Variants in GRM5 observed in about 807,000 individuals in gnomAD.
The protein encoded by GRM5 is glutamate metabotropic receptor 5, also known as metabotropic glutamate receptor 5.
Under a neutral mutation model 83.1 loss-of-function variants are expected in GRM5, and 19 were observed. The ratio of observed to expected loss-of-function variants is 0.23; its 90% CI spans 0.16 to 0.34. The LOEUF (loss-of-function observed/expected upper bound fraction) is 0.34, where lower values mean the gene tolerates loss of function less well. GRM5 is among the 10% of genes least tolerant of loss of function. The probability of loss-of-function intolerance (pLI) is 1.00; values close to 1 mark genes in which losing one functional copy is unlikely to be tolerated. For synonymous variants in GRM5, 675 were observed against 633.6 expected (o/e 1.07, Z -0.98); for missense variants, 1,160 against 1,588.3 (o/e 0.73, Z 4.58).
intron 3 of GRM5, among the ~76,000 whole-genome samples, chr11:88,758,199 C>T (rs1174031387): frequency 2.0e-5 from 3 of 152,172 alleles, no homozygotes; most frequent in Admixed American, 1.3e-4. Flanking sequence ...CAAATCACTG[C>T]ACTACCTCTC....
chr11:88,564,023 A>C (rs192201527), intron 8 of GRM5, among the ~76,000 whole-genome samples: 10 of 152,324 alleles, frequency 6.6e-5, no homozygotes, highest in African/African-American at 2.4e-4. Flanking sequence ...AGGAGAGCAG[A>C]TATCAGATGC....
At chr11:88,747,835 A>G (rs561674976) in intron 3 of GRM5, among the ~76,000 whole-genome samples, 46 of 152,292 alleles carry the variant, frequency 3.0e-4, no homozygotes, top group African/African-American at 9.9e-4. Context: ...TTTTATTAAA[A>G]TCAATTATTC....
chr11:88,551,039 A>G (rs1042961842), intron 8 of GRM5, among the ~76,000 whole-genome samples: 1 of 151,570 alleles, frequency 6.6e-6, no homozygotes, highest in Non-Finnish European at 1.5e-5. Context: ...TTCAGTGAAT[A>G]TCTATGTGGT....
intron 2 of GRM5, among the ~76,000 whole-genome samples, chr11:88,861,956 C>A (rs1190219057): frequency 6.6e-6 from 1 of 152,098 alleles, no homozygotes; most frequent in Admixed American, 6.6e-5. Flanking sequence ...GCCTAGGCAA[C>A]CTAAGTATTT....
chr11:88,656,378 G>A (rs72639187), intron 3 of GRM5, among the ~76,000 whole-genome samples: 3,155 of 152,128 alleles, frequency 0.021, 88 homozygotes, highest in East Asian at 0.12. Flanking sequence ...TACAGATTCT[G>A]CATTTACAAA....
In GRM5 at chr11:89,056,122, T is replaced by C. The variant is rs1213989898; in HGVS notation, c.-200-8050A>G. ...AGATTTGTCTTAATATCATAAACAA[T>C]GTTGCATTTTGCTTGCTTTTGAAAG... On this transcript the variant is annotated intron_variant, in intron 1 of 9. Transcript: ENST00000305447. 4.6e-5 allele frequency among the ~76,000 whole-genome samples: 7 copies of C among 152,356 alleles called. No individual in the cohort carries two copies. In the East Asian group the frequency reaches 1.3e-3, roughly 29 times the overall value.
At chr11:88,869,767 TGGTTCCAACCTCA>T (rs1309035557) in intron 2 of GRM5, among the ~76,000 whole-genome samples, 1 of 151,528 alleles carries the variant, frequency 6.6e-6, no homozygotes, top group East Asian at 1.9e-4. Flanking sequence ...TCATTAGTCA[TGGTTCCAACCTCA>T]TGAAGAAATG....
intron 2 of GRM5, among the ~76,000 whole-genome samples, chr11:88,898,664 T>C (rs1945271565): frequency 6.6e-6 from 1 of 151,812 alleles, no homozygotes; most frequent in African/African-American, 2.4e-5. Context: ...AACACACAGA[T>C]TTGTGTATGT....
intron 7 of GRM5, among the ~76,000 whole-genome samples, chr11:88,574,601 T>A (rs192478090): frequency 4.6e-5 from 7 of 152,232 alleles, no homozygotes; most frequent in African/African-American, 1.2e-4. Flanking sequence ...ACTCCATCTC[T>A]ACTAAAAATA....
In GRM5 at chr11:88,679,260, T is replaced by C. The variant is rs1301820058; in HGVS notation, c.912-25857A>G. Among the ~76,000 whole-genome samples the C allele has an allele frequency of 2.0e-5, 3 of 152,044 alleles. No individual in the cohort carries two copies. In the East Asian group the frequency reaches 5.8e-4, roughly 29 times the overall value. On this transcript the variant is annotated intron_variant, in intron 3 of 9. Coordinates refer to ENST00000305447, the MANE Select transcript of GRM5 (RefSeq NM_001143831.3). ...AGGACATTTAAGAAATACTGAGGAATGGAGCTATGGAATTTTCAGAAGATT... is the reference window on the plus strand; with the variant it reads ...AGGACATTTAAGAAATACTGAGGAACGGAGCTATGGAATTTTCAGAAGATT...
chr11:88,535,363 C>A (rs1382491956), intron 8 of GRM5, among the ~76,000 whole-genome samples: 20 of 152,138 alleles, frequency 1.3e-4, no homozygotes, highest in African/African-American at 4.8e-4. Context: ...CACTGGAAAA[C>A]ATAGTCTCTT....
At chr11:89,029,605 T>C (rs370843813) in intron 2 of GRM5, among the ~76,000 whole-genome samples, 3 of 152,316 alleles carry the variant, frequency 2.0e-5, no homozygotes, top group South Asian at 2.1e-4. Flanking sequence ...GTTGAGTTTA[T>C]TGAGGCTTTC....
At chr11:88,518,149 A>G (rs308881) in intron 9 of GRM5, among the ~76,000 whole-genome samples, 9,615 of 152,014 alleles carry the variant, frequency 0.063, 505 homozygotes, top group African/African-American at 0.14. Flanking sequence ...ATTTAATAAT[A>G]TAAAAAATAG....
At chr11:88,871,789 ATT>A (rs1944772165) in intron 2 of GRM5, among the ~76,000 whole-genome samples, 2 of 151,496 alleles carry the variant, frequency 1.3e-5, no homozygotes, top group Admixed American at 1.3e-4. Context: ...TGTTGAACAA[ATT>A]GCTGTAATTT....
intron 3 of GRM5, among the ~76,000 whole-genome samples, chr11:88,798,820 A>AAAAAAAAAAAAAAAAAAAAC (rs1555017418): frequency 4.4e-5 from 6 of 136,282 alleles, no homozygotes; most frequent in African/African-American, 5.5e-5. Flanking sequence ...AAAAAAAAAA[A>AAAAAAAAAAAAAAAAAAAAC]AAAAAAACAA....
At chr11:88,706,654 T>C (rs542788755) in intron 3 of GRM5, among the ~76,000 whole-genome samples, 1 of 152,210 alleles carries the variant, frequency 6.6e-6, no homozygotes, top group South Asian at 2.1e-4. Context: ...TCTAAGGTGA[T>C]TTTTCTAATG....
At chr11:88,857,873 A>C (rs1341633605) in intron 2 of GRM5, among the ~76,000 whole-genome samples, 1 of 152,124 alleles carries the variant, frequency 6.6e-6, no homozygotes, top group East Asian at 1.9e-4. Context: ...AAATTCCTAT[A>C]TAATTGAGAT....
At chr11:88,584,379 T>C (rs566238894) in intron 7 of GRM5, among the ~76,000 whole-genome samples, 8 of 152,266 alleles carry the variant, frequency 5.3e-5, no homozygotes, top group African/African-American at 1.7e-4. Context: ...ATTGTGACTA[T>C]GTAAATAATA....
chr11:88,646,452 G>A (rs1284818759), intron 4 of GRM5, among the ~76,000 whole-genome samples: 1 of 151,230 alleles, frequency 6.6e-6, no homozygotes, highest in East Asian at 1.9e-4. Context: ...AACATTTAAG[G>A]GCCATAGTAA....
Sources: allele counts gnomAD v4.1 joint callset (sites outside exome capture counted in the v4.1 genomes callset), GRCh38; gene constraint gnomAD v4.1.1; transcripts MANE v1.5; gene names NCBI Gene and HGNC (gene_info 2026-07-23, HGNC 2026-07-21).